ASB10: variants seen among roughly 807,000 people sequenced by gnomAD.
The protein encoded by ASB10 is ankyrin repeat and SOCS box protein 10.
Under a neutral mutation model 35.4 loss-of-function variants are expected in ASB10, and 44 were observed. That is an observed-to-expected ratio of 1.24 (90% CI 0.98 to 1.60). The LOEUF is 1.60. Ranked by LOEUF, ASB10 falls within the 40% of genes most tolerant of loss-of-function variation. The pLI, the probability that ASB10 is intolerant of heterozygous loss-of-function variation, is 0.00. For missense variants in ASB10, 647 were observed against 634.3 expected, an observed-to-expected ratio of 1.02 and a Z score of -0.22; for synonymous variants, 294 against 280.4, an observed-to-expected ratio of 1.05 and a Z score of -0.49.
At chr7:151,179,972 G>A (rs1801455426) in intron 3 of ASB10, among the ~76,000 whole-genome samples, 1 of 152,208 alleles carries the variant, frequency 6.6e-6, no homozygotes, top group Non-Finnish European at 1.5e-5. Flanking sequence ...TAATTATTTG[G>A]TCTTGCTTAG....
In ASB10 at chr7:151,180,930, C is replaced by A. The variant is rs369751390; in HGVS notation, c.1104+9G>T. The A allele has an allele frequency of 8.0e-6, 12 of 1,501,766 alleles. No individual in the cohort carries two copies. Among genetic ancestry groups the A allele is most frequent in the Non-Finnish European group, 9.8e-6 (11 of 1,124,268 alleles). The allele number at this position is 1,501,766 out of a possible 1,614,324, so 93.0% of individuals were successfully genotyped here. On this transcript the variant is annotated intron_variant, in intron 3 of 5. Transcript: ENST00000420175. ...ATGGTGGCCCTCCTGCTGCCTGCAG[C>A]CCCCATACCTTGGGGAGGGCCCCTG...
At chr7:151,182,755 A>G (rs1801518271) in intron 2 of ASB10, among the ~76,000 whole-genome samples, 1 of 152,012 alleles carries the variant, frequency 6.6e-6, no homozygotes, top group Non-Finnish European at 1.5e-5. Flanking sequence ...TAACAGCTCC[A>G]CCTTCCGAGG....
Position 151,181,263 on chromosome 7 carries a change from GCAGCGGACGT to G in ASB10, c.770_779del (p.Asp257AlafsTer124). ...TGGCCTCGGCATCGGTGATGGACTGGCAGCGGACGTCACAGGCAGCCAGCAGTGGGGTCCA... is the reference window on the plus strand; with the variant it reads ...TGGCCTCGGCATCGGTGATGGACTGGCACAGGCAGCCAGCAGTGGGGTCCA... On this transcript the variant is annotated frameshift_variant, in exon 3 of 6. Transcript: ENST00000420175. LOFTEE classifies it high-confidence loss of function. 6.2e-7 allele frequency: 1 copy of G among 1,613,140 alleles called. No individual in the cohort carries two copies. Among genetic ancestry groups the G allele is most frequent in the South Asian group, 1.1e-5 (1 of 91,078 alleles).
At chr7:151,176,363 AG>A (rs1262219028) in intron 4 of ASB10, 66 bp from the exon 5 acceptor site, 2 of 1,501,610 alleles carry the variant, frequency 1.3e-6, no homozygotes, top group East Asian at 2.3e-5. Context: ...TCCTCCTCAC[AG>A]GGTAGGCTGG....
Position 151,187,075 on chromosome 7 carries a change from T to C in ASB10, c.56A>G (p.Asp19Gly). The C allele has an allele frequency of 6.2e-7, 1 of 1,607,284 alleles. No individual in the cohort carries two copies. Among genetic ancestry groups the C allele is most frequent in the African/African-American group, 1.3e-5 (1 of 74,924 alleles). The change falls in exon 1 of 6, where the codon GAC becomes GGC. Residue 19 changes from aspartate (D) to glycine (G), a missense_variant. Physicochemically the swap from Asp to Gly is moderately conservative, Grantham distance 94 (BLOSUM62 -1). Coordinates refer to ENST00000420175, the MANE Select transcript of ASB10 (RefSeq NM_001142459.2). The surrounding 1 kb of genome is among the most constrained non-coding windows in gnomAD (Gnocchi z 5.3). ...CAGCCTGGCACAGAGGGGGTGTCTG[T>C]CATCGAGGGGCTCTCCCTGCCCCTT... ...ECKGQGEPLD[D>G]RHPLCARLVE...
chr7:151,176,306 A>C lies in ASB10; in HGVS notation c.1219-9T>G. ...TAGAAACGCTGATGTTTCTGGGGGC[A>C]GAACAAGGGGCTCAGTGAGAGGCAG... On this transcript the variant is annotated splice_polypyrimidine_tract_variant and intron_variant, in intron 4 of 5. Transcript: ENST00000420175. The C allele has an allele frequency of 6.5e-7, 1 of 1,534,624 alleles. No homozygotes were observed. The highest frequency in any genetic ancestry group is 1.9e-4 in the Middle Eastern group (1 of 5,222).
rs1463570665 is a variant in ASB10 at position 151,182,052 on chromosome 7, T to C, written c.585-594A>G. Among the ~76,000 whole-genome samples, 3 of 152,244 alleles carry C rather than the reference T, an allele frequency of 2.0e-5. No homozygotes were observed. The East Asian group carries it at 5.8e-4, about 29-fold the overall frequency. On this transcript the variant is annotated intron_variant, in intron 2 of 5. Transcript: ENST00000420175. ...TAAGGGTTTTACGTGTTGTAGCTAA[T>C]TTCATCCTCACTACATTCCCTTGGT...
intron 2 of ASB10, among the ~76,000 whole-genome samples, chr7:151,185,831 G>A (rs1801578883): frequency 6.6e-6 from 1 of 152,162 alleles, no homozygotes; most frequent in South Asian, 2.1e-4. Flanking sequence ...CAGTTTCTTG[G>A]GAGTTTAGTT....
At position 151,180,928 on chromosome 7, in the gene ASB10, A is replaced by G. The variant is rs1240342963; in HGVS notation, c.1104+11T>C. On this transcript the variant is annotated intron_variant, in intron 3 of 5. Coordinates refer to ENST00000420175, the MANE Select transcript of ASB10 (RefSeq NM_001142459.2). Reference sequence around the variant, plus strand: ...CCATGGTGGCCCTCCTGCTGCCTGCAGCCCCCATACCTTGGGGAGGGCCCC... The same window carrying G: ...CCATGGTGGCCCTCCTGCTGCCTGCGGCCCCCATACCTTGGGGAGGGCCCC... The G allele has an allele frequency of 6.7e-7, 1 of 1,495,002 alleles. No homozygotes were observed. The highest frequency in any genetic ancestry group is 8.9e-7 in the Non-Finnish European group (1 of 1,121,628). The allele number at this position is 1,495,002 out of a possible 1,614,324, so 92.6% of individuals were successfully genotyped here.
chr7:151,181,842 G>A lies in ASB10; in HGVS notation c.585-384C>T, dbSNP rs111498791. Among the ~76,000 whole-genome samples, 581 of 152,210 alleles carry A rather than the reference G, an allele frequency of 3.8e-3. 6 individuals are homozygous for A. The highest frequency in any genetic ancestry group is 0.013 in the African/African-American group (537 of 41,528). On this transcript the variant is annotated intron_variant, in intron 2 of 5. Coordinates refer to ENST00000420175, the MANE Select transcript of ASB10 (RefSeq NM_001142459.2). ...TTTGCCAGGCTGGTCTCAAACTCCT[G>A]ACCTCAAGTGATCCACCTGCCTCGG...
intron 2 of ASB10, among the ~76,000 whole-genome samples, chr7:151,184,318 C>T (rs951615825): frequency 2.0e-5 from 3 of 150,938 alleles, no homozygotes; most frequent in Non-Finnish European, 2.9e-5. Context: ...GAGGCTGAGG[C>T]GGGAGAATGG....
chr7:151,186,429 G>A lies in ASB10; in HGVS notation c.547C>T (p.Arg183Cys), dbSNP rs151344605. The A allele has an allele frequency of 1.7e-5, 27 of 1,588,234 alleles. No individual in the cohort carries two copies. The highest frequency in any genetic ancestry group is 3.4e-5 in the South Asian group (3 of 87,256). The change falls in exon 2 of 6, where the codon CGC becomes TGC. Residue 183 changes from arginine to cysteine, a missense_variant. Transcript: ENST00000420175. ...DPNIADQDGKRPLHLCRGPGT... is the reference protein window; with the variant it reads ...DPNIADQDGKCPLHLCRGPGT... ...GGCCCCCGGCAGAGATGCAGGGGGC[G>A]TTTCCCATCCTGGTCAGCGATGTTG...
Position 151,181,224 on chromosome 7 carries a change from G to A in ASB10, c.819C>T (p.Cys273=), listed in dbSNP as rs1563570261. The A allele has an allele frequency of 6.2e-7, 1 of 1,612,960 alleles. No individual in the cohort carries two copies. The highest frequency in any genetic ancestry group is 1.1e-5 in the South Asian group (1 of 91,066). ...AAAGCAGCAAGCTGCACAGCTGCAGGCAGCGGGCGGTGGTGGCCTCGGCAT... is the reference window on the plus strand; with the variant it reads ...AAAGCAGCAAGCTGCACAGCTGCAGACAGCGGGCGGTGGTGGCCTCGGCAT... The part of the protein sequence containing the change: ...ITDAEATTAR[C]LQLCSLLLSA... Residue 273 remains cysteine, a synonymous_variant, in exon 3 of 6, where the codon TGC becomes TGT. Transcript: ENST00000420175.
intron 3 of ASB10, among the ~76,000 whole-genome samples, chr7:151,177,821 G>A (rs1584811905): frequency 6.6e-6 from 1 of 152,218 alleles, no homozygotes; most frequent in East Asian, 1.9e-4. Flanking sequence ...ATTTATTGAG[G>A]GCCTACTATG....
chr7:151,183,849 G>T (rs966753786), intron 2 of ASB10, among the ~76,000 whole-genome samples: 4 of 152,076 alleles, frequency 2.6e-5, no homozygotes, highest in African/African-American at 9.7e-5. Context: ...GCCTCCCAAA[G>T]TGCTGGGATT....
At chr7:151,182,988 T>G (rs1362172731) in intron 2 of ASB10, among the ~76,000 whole-genome samples, 1 of 152,202 alleles carries the variant, frequency 6.6e-6, no homozygotes, top group Non-Finnish European at 1.5e-5. Flanking sequence ...GGGTGTGATC[T>G]CAGGGAGGCT....
In ASB10 at chr7:151,186,805, C is replaced by A; in HGVS notation, c.316+10G>T. 6.4e-7 allele frequency: 1 copy of A among 1,572,256 alleles called. No homozygotes were observed. The highest frequency in any genetic ancestry group is 8.7e-7 in the Non-Finnish European group (1 of 1,155,340). ...CTCCCACTGAGAGCCCCCAGTGCCC[C>A]GGCCCGTACTCAGAGCACGGATGTT... On this transcript the variant is annotated intron_variant, in intron 1 of 5. Transcript: ENST00000420175.
chr7:151,185,053 C>G (rs1584817745), intron 2 of ASB10, among the ~76,000 whole-genome samples: 1 of 150,234 alleles, frequency 6.7e-6, no homozygotes, highest in Non-Finnish European at 1.5e-5. Context: ...AAAATGGTTA[C>G]AAAGGCAAAT....
chr7:151,183,383 G>T (rs1475233033), intron 2 of ASB10, among the ~76,000 whole-genome samples: 1 of 152,142 alleles, frequency 6.6e-6, no homozygotes, highest in Non-Finnish European at 1.5e-5. Context: ...TCCAGACTAG[G>T]TGACTGAGAG....
Sources: gnomAD v4.1 joint callset for allele counts (sites outside exome capture counted in the v4.1 genomes callset) on GRCh38, gnomAD v4.1.1 for gene constraint, Gnocchi (gnomAD v3.1) non-coding constraint, MANE v1.5 for transcripts, NCBI Gene and HGNC (gene_info 2026-07-23, HGNC 2026-07-21) for gene names.